PCM1: variants seen among roughly 807,000 people sequenced by gnomAD.
PCM1 encodes pericentriolar material 1 protein.
In PCM1, 157 loss-of-function variants were observed where a neutral mutation model predicts 241.9. That is an observed-to-expected ratio of 0.65 (90% CI 0.57 to 0.74). The LOEUF (loss-of-function observed/expected upper bound fraction) is 0.74, where lower values mean the gene tolerates loss of function less well. Among genes scored for constraint, PCM1 ranks in the 30% least tolerant of loss-of-function variants. The pLI, the probability that PCM1 is intolerant of heterozygous loss-of-function variation, is 0.00. For synonymous variants in PCM1, 1,085 were observed against 784.9 expected (o/e 1.38, Z -6.39); for missense variants, 3,478 against 2,360.1 (o/e 1.47, Z -9.81).
intron 6 of PCM1, among the ~76,000 whole-genome samples, chr8:17,945,736 T>C (rs1247376774): frequency 1.3e-5 from 2 of 152,194 alleles, no homozygotes; most frequent in South Asian, 2.1e-4. Context: ...CCCATCTGCA[T>C]GCTCCATAAT....
intron 3 of PCM1, 45 bp from the exon 4 acceptor site, chr8:17,937,089 G>C: frequency 4.8e-6 from 7 of 1,459,674 alleles, no homozygotes; most frequent in Non-Finnish European, 6.4e-6. Flanking sequence ...CTATTTTCCT[G>C]GTTTGATACA....
At chr8:18,008,033 C>T (rs896697815) in intron 30 of PCM1, among the ~76,000 whole-genome samples, 17 of 152,288 alleles carry the variant, frequency 1.1e-4, no homozygotes, top group African/African-American at 3.9e-4. Context: ...TTTATTCAAG[C>T]ACAGTGTTGG....
intron 14 of PCM1, 59 bp from the exon 15 acceptor site, chr8:17,960,256 G>A (rs1336946812): frequency 6.4e-7 from 1 of 1,563,160 alleles, no homozygotes; most frequent in East Asian, 2.2e-5. Flanking sequence ...GTTATGTTGT[G>A]CCTAATGCTT....
chr8:18,007,022 A>G (rs961938928), intron 30 of PCM1, among the ~76,000 whole-genome samples: 1 of 152,208 alleles, frequency 6.6e-6, no homozygotes, highest in Non-Finnish European at 1.5e-5. Flanking sequence ...ATAGCAAAGT[A>G]TTATCTGGCC....
intron 8 of PCM1, among the ~76,000 whole-genome samples, 160 bp from the exon 9 acceptor site, chr8:17,952,810 G>A (rs867771809): frequency 2.6e-5 from 4 of 152,060 alleles, no homozygotes; most frequent in East Asian, 1.9e-4. Context: ...TCAGGAAACC[G>A]TATTTAATTT....
chr8:17,955,921 C>G (rs745330243), intron 10 of PCM1: 4 of 446,122 alleles, frequency 9.0e-6, no homozygotes, highest in East Asian at 4.6e-5. Context: ...TAAAATATTT[C>G]TATATTCAGA....
At chr8:17,930,258 G>C (rs779896282) in intron 2 of PCM1, among the ~76,000 whole-genome samples, 1 of 151,782 alleles carries the variant, frequency 6.6e-6, no homozygotes, top group Non-Finnish European at 1.5e-5. Flanking sequence ...CCGCCACCAC[G>C]CCTGGCTAAT....
At chr8:17,979,490 A>G (rs750656185) in intron 23 of PCM1, among the ~76,000 whole-genome samples, 21 of 152,180 alleles carry the variant, frequency 1.4e-4, no homozygotes, top group Non-Finnish European at 2.6e-4. Flanking sequence ...TCTCTGTTGT[A>G]ATATCCAGTA....
At chr8:17,992,306 T>G (rs890608021) in intron 28 of PCM1, among the ~76,000 whole-genome samples, 2 of 152,226 alleles carry the variant, frequency 1.3e-5, no homozygotes, top group Admixed American at 6.5e-5. Flanking sequence ...TTCAGTTGTT[T>G]AAGGAATCTT....
chr8:17,942,945 C>G (rs1200093924), intron 6 of PCM1, among the ~76,000 whole-genome samples: 1 of 149,798 alleles, frequency 6.7e-6, no homozygotes, highest in African/African-American at 2.5e-5. Flanking sequence ...TGCAGCGAGC[C>G]GAGATCCTGC....
chr8:17,929,510 A>G (rs969782107), intron 2 of PCM1, among the ~76,000 whole-genome samples: 3 of 152,198 alleles, frequency 2.0e-5, no homozygotes, highest in African/African-American at 7.2e-5. Flanking sequence ...AGGCACATCA[A>G]ACTCTCCATT....
chr8:17,932,845 A>G (rs2059424545), intron 2 of PCM1, among the ~76,000 whole-genome samples: 1 of 152,166 alleles, frequency 6.6e-6, no homozygotes, highest in Non-Finnish European at 1.5e-5. Context: ...TGATAGTATG[A>G]TATAAGGCAG....
At chr8:17,948,131 G>A (rs1018832430) in intron 7 of PCM1, among the ~76,000 whole-genome samples, 2 of 151,892 alleles carry the variant, frequency 1.3e-5, no homozygotes, top group African/African-American at 4.8e-5. Flanking sequence ...TTCTTTGAGC[G>A]CTTTGTTTTT....
chr8:18,027,284 A>G (rs2094304259), intron 38 of PCM1, among the ~76,000 whole-genome samples: 1 of 149,846 alleles, frequency 6.7e-6, no homozygotes, highest in Non-Finnish European at 1.5e-5. Flanking sequence ...GTCATTGGGT[A>G]TGCTTCCATC....
At chr8:18,012,501 G>T (rs568795777) in intron 34 of PCM1, among the ~76,000 whole-genome samples, 1 of 152,180 alleles carries the variant, frequency 6.6e-6, no homozygotes, top group African/African-American at 2.4e-5. Flanking sequence ...ATGGGGTTTG[G>T]TGCTATCCAC....
chr8:17,926,844 A>G (rs1437845282), intron 2 of PCM1: 1 of 152,174 alleles, frequency 6.6e-6, no homozygotes. Context: ...AAAACTTATG[A>G]TCAGAAAGAG....
In PCM1 at chr8:18,014,056, C is replaced by G. The variant is rs527266076; in HGVS notation, c.5584+20C>G. On this transcript the variant is annotated intron_variant, in intron 35 of 38. Transcript: ENST00000325083. ...GTAAAAGTAAGAAATCTAAATAAGT[C>G]TTTGATTTTAAGATAATTTCCTTTA... 2 of 1,259,944 alleles carry G rather than the reference C, an allele frequency of 1.6e-6. No individual in the cohort carries two copies. Among genetic ancestry groups the G allele is most frequent in the Non-Finnish European group, 2.2e-6 (2 of 896,542 alleles). 78.0% of individuals were successfully genotyped at this position (1,259,944 alleles called of 1,614,324 possible).
At position 17,950,630 on chromosome 8, in the gene PCM1, C is replaced by T. The variant is rs748237551; in HGVS notation, c.977C>T (p.Ala326Val). The T allele has an allele frequency of 3.1e-6, 5 of 1,591,186 alleles. No individual in the cohort carries two copies. The highest frequency in any genetic ancestry group is 4.3e-6 in the Non-Finnish European group (5 of 1,163,028). ...TTCTTTCCAGTTGTTGCAGAAACTGCAGGTAGCTTATCTGGCGTCAGTATC... is the reference window on the plus strand; with the variant it reads ...TTCTTTCCAGTTGTTGCAGAAACTGTAGGTAGCTTATCTGGCGTCAGTATC... The part of the protein sequence containing the change: ...VMDDSVVAET[A>V]GSLSGVSITS... The change falls in exon 8 of 39, where the codon GCA becomes GTA. Residue 326 changes from alanine (A) to valine (V), a missense_variant. Transcript: ENST00000325083.
At chr8:18,004,824 C>T (rs370703330) in intron 29 of PCM1, among the ~76,000 whole-genome samples, 1 of 152,104 alleles carries the variant, frequency 6.6e-6, no homozygotes, top group Non-Finnish European at 1.5e-5. Flanking sequence ...ATATTCTTAC[C>T]TTTTGCTTAG....
Sources: gnomAD v4.1 joint callset for allele counts (sites outside exome capture counted in the v4.1 genomes callset) on GRCh38, gnomAD v4.1.1 for gene constraint, MANE v1.5 for transcripts, NCBI Gene and HGNC (gene_info 2026-07-23, HGNC 2026-07-21) for gene names.